THG1L: variants seen among roughly 807,000 people sequenced by gnomAD.
The protein encoded by THG1L is probable tRNA(His) guanylyltransferase.
In THG1L, 27 loss-of-function variants were observed where a neutral mutation model predicts 35.2. The observed-to-expected ratio is 0.77, with a 90% CI of 0.57 to 1.06. The LOEUF is 1.06. THG1L is among the 50% of genes least tolerant of loss of function. The pLI is 0.00. For missense variants in THG1L, 377 were observed against 371.8 expected (o/e 1.01, Z -0.12); for synonymous variants, 135 against 132.4 (o/e 1.02, Z -0.14).
chr5:157,739,277 C>A, intron 5 of THG1L, 44 bp from the exon 6 acceptor site: 1 of 1,588,664 alleles, frequency 6.3e-7, no homozygotes, highest in Non-Finnish European at 8.6e-7. Flanking sequence ...TCTCCCAAAC[C>A]CACTCCTGAC....
At chr5:157,734,854 T>A (rs1246571376) in intron 3 of THG1L, 109 bp downstream of exon 3, 9 of 1,173,172 alleles carry the variant, frequency 7.7e-6, no homozygotes, top group African/African-American at 1.5e-5. Context: ...ACATATACGT[T>A]GTACAGAATG....
chr5:157,731,764 T>G, intron 1 of THG1L, 133 bp downstream of exon 1: 4 of 1,160,282 alleles, frequency 3.4e-6, no homozygotes, highest in Non-Finnish European at 4.8e-6. Context: ...GTGCGCAGCA[T>G]GGAGCATTGC....
chr5:157,738,138 T>G, intron 5 of THG1L, 144 bp downstream of exon 5: 3 of 634,434 alleles, frequency 4.7e-6, no homozygotes. Context: ...AGGCCATAGA[T>G]TCTTATTTTT....
At chr5:157,731,802 G>A (rs11740555) in intron 1 of THG1L, among the ~76,000 whole-genome samples, 171 bp downstream of exon 1, 9,549 of 152,336 alleles carry the variant, frequency 0.063, 391 homozygotes, top group Middle Eastern at 0.11. Flanking sequence ...CTAGGACAGT[G>A]CCTGAACGCT....
chr5:157,739,435 G>T lies in THG1L; in HGVS notation c.850G>T (p.Asp284Tyr), dbSNP rs1760977614. 3 of 1,613,694 alleles carry T rather than the reference G, an allele frequency of 1.9e-6. No homozygotes were observed. The East Asian group carries it at 6.7e-5, about 36-fold the overall frequency. ...PVPLHCDIIG[D>Y]AFWKEHPEIL... ...GCCCTTGCACTGCGATATCATCGGG[G>T]ATGCTTTCTGGAAGGAACATCCAGA... The change falls in exon 6 of 6, where the codon GAT becomes TAT. Residue 284 changes from aspartate (D) to tyrosine (Y), a missense_variant. Transcript: ENST00000231198.
At chr5:157,736,243 A>G (rs1581441196) in intron 4 of THG1L, among the ~76,000 whole-genome samples, 1 of 145,514 alleles carries the variant, frequency 6.9e-6, no homozygotes, top group African/African-American at 2.5e-5. Context: ...TGCCGTCTTC[A>G]GCACTGACTT....
At chr5:157,739,266 C>G (rs1044671228) in intron 5 of THG1L, 55 bp from the exon 6 acceptor site, 1 of 1,563,132 alleles carries the variant, frequency 6.4e-7, no homozygotes, top group African/African-American at 1.4e-5. Context: ...TCTTTCCTTT[C>G]TCTCCCAAAC....
chr5:157,739,588 TGC>T lies in THG1L; in HGVS notation c.*108_*109del. On this transcript the variant is annotated 3_prime_UTR_variant, in exon 6 of 6. Coordinates refer to ENST00000231198, the MANE Select transcript of THG1L (RefSeq NM_017872.5). ...GCATCCCTACCACCCAGGACACTGGTGCGAATGACACAACTCAAGTTGGGAGG... is the reference window on the plus strand; with the variant it reads ...GCATCCCTACCACCCAGGACACTGGTGAATGACACAACTCAAGTTGGGAGG... 1 of 1,358,798 alleles carries T rather than the reference TGC, an allele frequency of 7.4e-7. No individual in the cohort carries two copies. The highest frequency in any genetic ancestry group is 9.9e-7 in the Non-Finnish European group (1 of 1,006,080). The allele number at this position is 1,358,798 out of a possible 1,614,324, so 84.2% of individuals were successfully genotyped here.
chr5:157,732,526 A>G (rs1370174539), intron 1 of THG1L, among the ~76,000 whole-genome samples: 1 of 152,172 alleles, frequency 6.6e-6, no homozygotes, highest in Non-Finnish European at 1.5e-5. Flanking sequence ...ATTGTTAATG[A>G]TTATTATAAC....
chr5:157,732,757 C>G, intron 1 of THG1L, 111 bp from the exon 2 acceptor site: 2 of 1,286,786 alleles, frequency 1.6e-6, no homozygotes, highest in Non-Finnish European at 2.1e-6. Flanking sequence ...CATTTGAGTT[C>G]ACAGTGCTAT....
At chr5:157,732,480 CAGAA>C (rs1760754879) in intron 1 of THG1L, among the ~76,000 whole-genome samples, 1 of 151,926 alleles carries the variant, frequency 6.6e-6, no homozygotes, top group Non-Finnish European at 1.5e-5. Context: ...AGAAATATAA[CAGAA>C]AGATGGGAAT....
At chr5:157,738,052 A>T in intron 5 of THG1L, 58 bp downstream of exon 5, 5 of 1,401,880 alleles carry the variant, frequency 3.6e-6, no homozygotes, top group Non-Finnish European at 5.0e-6. Context: ...GCCTGTGCCC[A>T]TTCCAAGCTG....
chr5:157,737,818 G>C, intron 4 of THG1L, 69 bp from the exon 5 acceptor site: 1 of 1,236,532 alleles, frequency 8.1e-7, no homozygotes. Flanking sequence ...GTTGTGGGTC[G>C]AATGGATAGT....
rs1761040875 is a variant in THG1L, at chr5:157,741,425, A to G, written c.*1943A>G. ...TAATTGCTAAAATCTCTTTGAGGAA[A>G]GAAATAAAGATGTCAACTCCTTTGG... On this transcript the variant is annotated 3_prime_UTR_variant, in exon 6 of 6. Coordinates refer to ENST00000231198, the MANE Select transcript of THG1L (RefSeq NM_017872.5). 1 of 152,176 alleles carries G rather than the reference A, an allele frequency of 6.6e-6. No individual in the cohort carries two copies. The highest frequency in any genetic ancestry group is 1.5e-5 in the Non-Finnish European group (1 of 68,030). 9.4% of individuals were successfully genotyped at this position (152,176 alleles called of 1,614,324 possible).
intron 5 of THG1L, chr5:157,738,812 G>A: frequency 4.0e-6 from 1 of 249,100 alleles, no homozygotes; most frequent in Non-Finnish European, 7.7e-6. Flanking sequence ...GATTGCTTCA[G>A]AATAGTATAA....
At chr5:157,735,001 C>A (rs936749130) in intron 3 of THG1L, among the ~76,000 whole-genome samples, 19 of 150,914 alleles carry the variant, frequency 1.3e-4, no homozygotes, top group African/African-American at 4.1e-4. Flanking sequence ...GCAGTGGTGT[C>A]ATCTTGGCTC....
At chr5:157,735,366 C>T (rs1760844747) in intron 3 of THG1L, among the ~76,000 whole-genome samples, 1 of 152,158 alleles carries the variant, frequency 6.6e-6, no homozygotes, top group African/African-American at 2.4e-5. Flanking sequence ...TGCCAGTGTG[C>T]CATAGTCTCT....
At chr5:157,731,664 G>T in intron 1 of THG1L, 33 bp downstream of exon 1, 1 of 1,571,944 alleles carries the variant, frequency 6.4e-7, no homozygotes, top group Non-Finnish European at 8.6e-7. Context: ...GTCGCGATGC[G>T]CCAGCGCTTC....
At position 157,739,835 on chromosome 5, in the gene THG1L, A is replaced by G. The variant is rs983624269; in HGVS notation, c.*353A>G. The G allele has an allele frequency of 4.9e-5, 8 of 164,548 alleles. No individual in the cohort carries two copies. The highest frequency in any genetic ancestry group is 1.7e-4 in the African/African-American group (7 of 42,006). 10.2% of individuals were successfully genotyped at this position (164,548 alleles called of 1,614,324 possible). A position where few individuals can be genotyped will look rare whatever the true frequency, so the allele number is the denominator to read the frequency against. On this transcript the variant is annotated 3_prime_UTR_variant, in exon 6 of 6. Transcript: ENST00000231198. ...AAAAACCTGTCAGTTATTTTCATCT[A>G]TGAGAGAAGAGGAGCCCAAACTCTC...
Sources: gnomAD v4.1 joint callset for allele counts (sites outside exome capture counted in the v4.1 genomes callset) on GRCh38, gnomAD v4.1.1 for gene constraint, MANE v1.5 for transcripts, NCBI Gene and HGNC (gene_info 2026-07-23, HGNC 2026-07-21) for gene names.